The following ATP9B variants were observed in gnomAD, a reference collection of about 807,000 sequenced individuals.
The protein encoded by ATP9B is ATPase phospholipid transporting 9B, also known as probable phospholipid-transporting ATPase IIB.
A neutral mutation model predicts 146.1 loss-of-function variants in ATP9B; 110 were observed. That is an observed-to-expected ratio of 0.75 (90% confidence interval 0.65 to 0.88). The LOEUF (loss-of-function observed/expected upper bound fraction) is 0.88, where lower values mean the gene tolerates loss of function less well. ATP9B is among the 40% of genes least tolerant of loss of function. The probability of loss-of-function intolerance (pLI) is 0.00; values close to 1 mark genes in which losing one functional copy is unlikely to be tolerated. For synonymous variants in ATP9B, 604 were observed against 569.7 expected (o/e 1.06, Z -0.86); for missense variants, 1,499 against 1,496.4 (o/e 1.00, Z -0.03).
chr18:79,161,657 G>T (rs2094882886), intron 7 of ATP9B, among the ~76,000 whole-genome samples: 1 of 152,160 alleles, frequency 6.6e-6, no homozygotes, highest in Non-Finnish European at 1.5e-5. Flanking sequence ...GACCATCCTG[G>T]CTAACATGGT....
chr18:79,218,377 G>C (rs1247174669), intron 11 of ATP9B, among the ~76,000 whole-genome samples: 6 of 129,092 alleles, frequency 4.6e-5, no homozygotes, highest in African/African-American at 1.2e-4. Context: ...ATGTTTTCCT[G>C]GTGTTCCATG....
chr18:79,322,607 G>C (rs942966968), intron 15 of ATP9B, among the ~76,000 whole-genome samples: 1 of 152,174 alleles, frequency 6.6e-6, no homozygotes, highest in African/African-American at 2.4e-5. Flanking sequence ...TACAAGCAAA[G>C]AATTTCCAGA....
rs879362787 is a variant in ATP9B at position 79,297,359 on chromosome 18, GAGACACAGACGACCCAGAGAGA to G, written c.1412-6239_1412-6218del. Among the ~76,000 whole-genome samples, 327 of 149,190 alleles carry G rather than the reference GAGACACAGACGACCCAGAGAGA, an allele frequency of 2.2e-3. 2 individuals are homozygous for G. The highest frequency in any genetic ancestry group is 7.7e-3 in the African/African-American group (313 of 40,544). On this transcript the variant is annotated intron_variant, in intron 13 of 29. Transcript: ENST00000426216. ...AGACAGAGATGACCCAGCCAGAGAG[GAGACACAGACGACCCAGAGAGA>G]AGACAGATGACCCAGAGAGGAGACA...
At chr18:79,225,369 T>C (rs1311660346) in intron 11 of ATP9B, among the ~76,000 whole-genome samples, 1 of 152,222 alleles carries the variant, frequency 6.6e-6, no homozygotes, top group Non-Finnish European at 1.5e-5. Context: ...AATTACCTGT[T>C]GCAAAACTTT....
At chr18:79,300,515 G>A (rs574293988) in intron 13 of ATP9B, among the ~76,000 whole-genome samples, 8 of 152,276 alleles carry the variant, frequency 5.3e-5, no homozygotes, top group Middle Eastern at 3.4e-3. Flanking sequence ...AGGGAGAGGC[G>A]AGGCTGGGCT....
At chr18:79,075,221 C>G (rs546740451) in intron 1 of ATP9B, among the ~76,000 whole-genome samples, 2 of 152,144 alleles carry the variant, frequency 1.3e-5, no homozygotes, top group African/African-American at 4.8e-5. Context: ...GGACTACAGG[C>G]GCTCACTACA....
chr18:79,295,014 A>G (rs1260771157), intron 13 of ATP9B, among the ~76,000 whole-genome samples: 1 of 152,194 alleles, frequency 6.6e-6, no homozygotes, highest in African/African-American at 2.4e-5. Context: ...TCAAATTTAC[A>G]TACAAAAATG....
chr18:79,346,950 G>T (rs922024936), intron 23 of ATP9B, among the ~76,000 whole-genome samples: 3 of 152,264 alleles, frequency 2.0e-5, no homozygotes, highest in Non-Finnish European at 4.4e-5. Context: ...ATCCTGCCAC[G>T]TGCATTACAG....
intron 23 of ATP9B, among the ~76,000 whole-genome samples, chr18:79,346,941 TC>T (rs968924646): frequency 6.6e-6 from 1 of 152,366 alleles, no homozygotes; most frequent in African/African-American, 2.4e-5. Flanking sequence ...ATAATGTCAA[TC>T]CTGCCACGTG....
intron 9 of ATP9B, among the ~76,000 whole-genome samples, chr18:79,198,517 C>T (rs1429594309): frequency 6.6e-6 from 1 of 152,170 alleles, no homozygotes; most frequent in African/African-American, 2.4e-5. Flanking sequence ...GTAAGTTAGA[C>T]CATTTCGTCA....
intron 7 of ATP9B, among the ~76,000 whole-genome samples, chr18:79,167,781 C>T (rs780375495): frequency 4.2e-4 from 64 of 152,288 alleles, no homozygotes; most frequent in Middle Eastern, 3.4e-3. Flanking sequence ...ACTGGCAGCC[C>T]GGCCCCGAGG....
At chr18:79,120,730 C>T (rs1160996892) in intron 4 of ATP9B, among the ~76,000 whole-genome samples, 2 of 152,120 alleles carry the variant, frequency 1.3e-5, no homozygotes, top group African/African-American at 2.4e-5. Flanking sequence ...AAAGCTCTGG[C>T]TCTAACAGTT....
intron 12 of ATP9B, among the ~76,000 whole-genome samples, chr18:79,259,275 T>C (rs963682532): frequency 1.3e-5 from 2 of 152,380 alleles, no homozygotes; most frequent in East Asian, 3.9e-4. Flanking sequence ...ATGATCAGAA[T>C]TCTGTATTCA....
intron 2 of ATP9B, among the ~76,000 whole-genome samples, chr18:79,100,251 A>G (rs1019999271): frequency 2.6e-5 from 4 of 152,238 alleles, no homozygotes; most frequent in Non-Finnish European, 4.4e-5. Context: ...TCAGTTGTTA[A>G]GTGCACTGCT....
At chr18:79,253,571 G>A in intron 12 of ATP9B, 30 bp downstream of exon 12, 1 of 1,546,256 alleles carries the variant, frequency 6.5e-7, no homozygotes, top group East Asian at 2.3e-5. Flanking sequence ...TAAAACAAAT[G>A]TCTGGTTTCA....
chr18:79,215,704 T>A (rs1475842559), intron 11 of ATP9B, among the ~76,000 whole-genome samples: 1 of 152,200 alleles, frequency 6.6e-6, no homozygotes, highest in African/African-American at 2.4e-5. Context: ...CATCTTTTTT[T>A]TTTGAGACGG....
intron 25 of ATP9B, among the ~76,000 whole-genome samples, chr18:79,350,822 G>A (rs1185428361): frequency 2.0e-5 from 3 of 148,774 alleles, no homozygotes; most frequent in Non-Finnish European, 4.4e-5. Context: ...AGGCTGGAGT[G>A]CAGTGGTGTG....
chr18:79,210,023 T>A (rs1166230067), intron 10 of ATP9B, among the ~76,000 whole-genome samples: 1 of 152,104 alleles, frequency 6.6e-6, no homozygotes, highest in Non-Finnish European at 1.5e-5. Context: ...ACTCAGTGCT[T>A]CCTCCCCATC....
chr18:79,166,883 A>G (rs936541980), intron 7 of ATP9B, among the ~76,000 whole-genome samples: 3 of 152,048 alleles, frequency 2.0e-5, no homozygotes, highest in African/African-American at 7.3e-5. Context: ...TGAGCCCAGA[A>G]CAGAGTGGCA....
Sources: gnomAD v4.1 joint callset for allele counts (sites outside exome capture counted in the v4.1 genomes callset) on GRCh38, gnomAD v4.1.1 for gene constraint, MANE v1.5 for transcripts, NCBI Gene and HGNC (gene_info 2026-07-23, HGNC 2026-07-21) for gene names.